MRAP2: variants seen among roughly 807,000 people sequenced by gnomAD.
MRAP2 encodes melanocortin-2 receptor accessory protein 2.
Under a neutral mutation model 17.4 loss-of-function variants are expected in MRAP2, and 20 were observed. The observed-to-expected ratio is 1.15, with a 90% CI of 0.81 to 1.67. The LOEUF (loss-of-function observed/expected upper bound fraction) is 1.67. Among genes scored for constraint, MRAP2 ranks in the 40% most tolerant of loss-of-function variants. The probability of loss-of-function intolerance (pLI) is 0.00; values close to 1 mark genes in which losing one functional copy is unlikely to be tolerated. For missense variants in MRAP2, 238 were observed against 240.0 expected (o/e 0.99, Z 0.05); for synonymous variants, 96 against 88.4 (o/e 1.09, Z -0.48).
chr6:84,045,232 G>A (rs572573582), intron 1 of MRAP2: 5 of 985,176 alleles, frequency 5.1e-6, no homozygotes, highest in African/African-American at 1.7e-5. Flanking sequence ...TGATAGTGAC[G>A]CTGGACATGC....
intron 1 of MRAP2, among the ~76,000 whole-genome samples, chr6:84,050,227 G>C (rs1271618719): frequency 6.6e-6 from 1 of 152,174 alleles, no homozygotes; most frequent in Non-Finnish European, 1.5e-5. Context: ...AATTAAGTGG[G>C]AAGTGCCAGT....
the MRAP2 span, among the ~76,000 whole-genome samples, chr6:84,137,511 A>G: frequency 4.6e-5 from 7 of 152,144 alleles, no homozygotes; most frequent in African/African-American, 1.4e-4. Context: ...AATATTTTCT[A>G]TATCTTTTAT....
the MRAP2 span, among the ~76,000 whole-genome samples, chr6:84,107,488 A>T: frequency 1.3e-5 from 2 of 152,176 alleles, no homozygotes; most frequent in African/African-American, 4.8e-5. Context: ...CTTCTTCTTC[A>T]TTGGATCCAA....
chr6:84,126,977 A>G, the MRAP2 span, among the ~76,000 whole-genome samples: 1 of 152,162 alleles, frequency 6.6e-6, no homozygotes, highest in African/African-American at 2.4e-5. Flanking sequence ...GGCCCTTATC[A>G]CTTTATAATT....
chr6:84,097,181 A>G, the MRAP2 span, among the ~76,000 whole-genome samples: 1 of 152,150 alleles, frequency 6.6e-6, no homozygotes, highest in African/African-American at 2.4e-5. Flanking sequence ...TGCCCATCAC[A>G]GAAGCAGCCC....
the MRAP2 span, among the ~76,000 whole-genome samples, chr6:84,119,374 A>G: frequency 0.011 from 1,599 of 152,174 alleles, 23 homozygotes; most frequent in African/African-American, 0.037. Flanking sequence ...TTGTTGTGCA[A>G]TTATTCAACA....
intron 1 of MRAP2, among the ~76,000 whole-genome samples, chr6:84,034,406 C>T (rs900888844): frequency 6.6e-6 from 1 of 152,132 alleles, no homozygotes; most frequent in Non-Finnish European, 1.5e-5. Flanking sequence ...TTTGTTTGGA[C>T]TGGGGAGCCT....
chr6:84,061,829 T>C, intron 2 of MRAP2: 1 of 985,436 alleles, frequency 1.0e-6, no homozygotes, highest in African/African-American at 1.7e-5. Flanking sequence ...TTCTCAGATG[T>C]CAGACATTGT....
At chr6:84,131,184 C>G in the MRAP2 span, among the ~76,000 whole-genome samples, 6 of 152,250 alleles carry the variant, frequency 3.9e-5, no homozygotes, top group African/African-American at 1.4e-4. Flanking sequence ...TTTTTTAATC[C>G]TGAGTTCCAA....
the MRAP2 span, among the ~76,000 whole-genome samples, chr6:84,108,578 G>A: frequency 6.6e-6 from 1 of 151,794 alleles, no homozygotes; most frequent in Non-Finnish European, 1.5e-5. Context: ...CTGGATATTA[G>A]ACCTTTGTCA....
chr6:84,048,863 G>T (rs1312963859), intron 1 of MRAP2, among the ~76,000 whole-genome samples: 1 of 152,114 alleles, frequency 6.6e-6, no homozygotes, highest in Non-Finnish European at 1.5e-5. Flanking sequence ...AAATCATTCT[G>T]CTATGCTTGA....
chr6:84,117,651 CT>C, the MRAP2 span, among the ~76,000 whole-genome samples: 2 of 105,138 alleles, frequency 1.9e-5, no homozygotes, highest in African/African-American at 1.4e-4. Flanking sequence ...GGGTGTGTGT[CT>C]GTGTGTGTGT....
At chr6:84,045,495 GCTTACAC>G (rs1452928281) in intron 1 of MRAP2, among the ~76,000 whole-genome samples, 1 of 152,124 alleles carries the variant, frequency 6.6e-6, no homozygotes, top group Non-Finnish European at 1.5e-5. Flanking sequence ...GGGCACAGTG[GCTTACAC>G]CTGTGATTCT....
intron 1 of MRAP2, among the ~76,000 whole-genome samples, chr6:84,041,957 T>G (rs2099487700): frequency 6.6e-6 from 1 of 152,188 alleles, no homozygotes; most frequent in Admixed American, 6.5e-5. Context: ...ATATGAGATT[T>G]GGGAGGGGCC....
chr6:84,128,756 A>G, the MRAP2 span, among the ~76,000 whole-genome samples: 1 of 152,098 alleles, frequency 6.6e-6, no homozygotes, highest in Non-Finnish European at 1.5e-5. Context: ...GGTTTGTTAC[A>G]TAGGTATACA....
At chr6:84,057,641 T>C (rs959744601) in intron 2 of MRAP2, among the ~76,000 whole-genome samples, 6 of 152,188 alleles carry the variant, frequency 3.9e-5, no homozygotes, top group South Asian at 2.1e-4. Context: ...AATATATATT[T>C]ATTGAGCACC....
intron 1 of MRAP2, among the ~76,000 whole-genome samples, chr6:84,050,677 G>A (rs1035009557): frequency 6.6e-6 from 1 of 152,248 alleles, no homozygotes; most frequent in East Asian, 1.9e-4. Flanking sequence ...TTGTGCGGGG[G>A]ACAGTCATTC....
Position 84,033,786 on chromosome 6 carries a change from G to GGGCGGTGGGA in MRAP2, c.-99_-90dup. The GGGCGGTGGGA allele has an allele frequency of 6.1e-6, 6 of 987,060 alleles. No individual in the cohort carries two copies. The highest frequency in any genetic ancestry group is 5.2e-4 in the Middle Eastern group (1 of 1,916). 61.1% of individuals were successfully genotyped at this position (987,060 alleles called of 1,614,324 possible). A position where few individuals can be genotyped will look rare whatever the true frequency, so the allele number is the denominator to read the frequency against. On this transcript the variant is annotated 5_prime_UTR_variant, in exon 1 of 4. Coordinates refer to ENST00000257776, the MANE Select transcript of MRAP2 (RefSeq NM_138409.4). ...ATCTAGGAGCTACTCGCCCGGCCCT[G>GGGCGGTGGGA]GGCGGTGGGAGGCGGCGGCGGCGGC... is the stretch of plus-strand genomic sequence containing the variant.
At chr6:84,134,919 TAC>T in the MRAP2 span, among the ~76,000 whole-genome samples, 24,003 of 148,206 alleles carry the variant, frequency 0.16, 2,108 homozygotes, top group Middle Eastern at 0.21. Context: ...AGATCATATA[TAC>T]ACACACACAC....
Sources: allele counts gnomAD v4.1 joint callset (sites outside exome capture counted in the v4.1 genomes callset), GRCh38; gene constraint gnomAD v4.1.1; transcripts MANE v1.5; gene names NCBI Gene and HGNC (gene_info 2026-07-23, HGNC 2026-07-21).